The following PCDH9 variants were observed in gnomAD, a reference collection of about 807,000 sequenced individuals.
PCDH9 encodes the protein protocadherin-9.
A neutral mutation model predicts 70.6 loss-of-function variants in PCDH9; 24 were observed. The ratio of observed to expected loss-of-function variants is 0.34; its 90% CI spans 0.25 to 0.48. The LOEUF (loss-of-function observed/expected upper bound fraction) is 0.48. PCDH9 is among the 20% of genes least tolerant of loss of function. PCDH9 has a pLI of 0.99. For synonymous variants in PCDH9, 562 were observed against 558.5 expected (o/e 1.01, Z -0.09); for missense variants, 1,281 against 1,503.6 (o/e 0.85, Z 2.45).
intron 2 of PCDH9, among the ~76,000 whole-genome samples, chr13:67,116,571 C>T (rs1180340145): frequency 2.0e-5 from 3 of 152,084 alleles, no homozygotes; most frequent in Admixed American, 1.3e-4. Context: ...AAAAAAATTT[C>T]TTGGGTTGAA....
rs182106894 is a variant in PCDH9, at chr13:66,933,397, T to C, written c.3037-29792A>G. On this transcript the variant is annotated intron_variant, in intron 2 of 4. Coordinates refer to ENST00000377865, the MANE Select transcript of PCDH9 (RefSeq NM_203487.3). ...GTTTTGTAAAACTCAATAGGAAAGA[T>C]TAAGATGACTTGTCAACAGTATATA... is the stretch of plus-strand genomic sequence containing the variant. Among the ~76,000 whole-genome samples, 31 of 152,268 alleles carry C rather than the reference T, an allele frequency of 2.0e-4. No homozygotes were observed. The East Asian group carries it at 5.6e-3, about 28-fold the overall frequency.
chr13:66,578,778 T>A (rs917986390), intron 4 of PCDH9, among the ~76,000 whole-genome samples: 1 of 152,114 alleles, frequency 6.6e-6, no homozygotes, highest in South Asian at 2.1e-4. Context: ...TATAACATAA[T>A]GACACATAAT....
chr13:66,574,899 G>A (rs538571947), intron 4 of PCDH9, among the ~76,000 whole-genome samples: 12 of 152,226 alleles, frequency 7.9e-5, no homozygotes, highest in Admixed American at 1.3e-4. Flanking sequence ...TGGGCCGGGC[G>A]CAGTGGCTCA....
At chr13:67,105,954 T>C (rs1352288024) in intron 2 of PCDH9, among the ~76,000 whole-genome samples, 4 of 151,314 alleles carry the variant, frequency 2.6e-5, no homozygotes, top group Non-Finnish European at 5.9e-5. Flanking sequence ...TATATATTAG[T>C]TTATAGTGTA....
At position 67,086,453 on chromosome 13, in the gene PCDH9, A is replaced by G. The variant is rs563629333; in HGVS notation, c.3036+138952T>C. Among the ~76,000 whole-genome samples, 42 of 152,318 alleles carry G rather than the reference A, an allele frequency of 2.8e-4. 1 individual carries two copies. The South Asian group carries it at 8.1e-3, about 29-fold the overall frequency. Reference sequence around the variant, plus strand: ...TTAAAGTGCACAGACAGCCAAGCACATAGTTCGGCTGCCTCTGTCTCCCAG... The same window carrying G: ...TTAAAGTGCACAGACAGCCAAGCACGTAGTTCGGCTGCCTCTGTCTCCCAG... On this transcript the variant is annotated intron_variant, in intron 2 of 4. Transcript: ENST00000377865.
chr13:66,579,258 A>G (rs2076857444), intron 4 of PCDH9, among the ~76,000 whole-genome samples: 1 of 152,128 alleles, frequency 6.6e-6, no homozygotes, highest in Non-Finnish European at 1.5e-5. Context: ...ATATAAATAT[A>G]TAAATCAAAA....
At chr13:66,862,415 T>G (rs1376033020) in intron 3 of PCDH9, among the ~76,000 whole-genome samples, 1 of 152,184 alleles carries the variant, frequency 6.6e-6, no homozygotes, top group Admixed American at 6.5e-5. Context: ...AGAAAAATAC[T>G]GTTTTGTTAA....
intron 4 of PCDH9, among the ~76,000 whole-genome samples, chr13:66,479,517 G>C (rs997857754): frequency 3.3e-5 from 5 of 152,192 alleles, no homozygotes; most frequent in African/African-American, 1.2e-4. Context: ...CATGGGAAGA[G>C]GTCAAAATAC....
At chr13:66,417,997 G>A (rs34377752) in intron 4 of PCDH9, among the ~76,000 whole-genome samples, 2,647 of 152,274 alleles carry the variant, frequency 0.017, 37 homozygotes, top group East Asian at 0.071. Flanking sequence ...CTGTGCAGAA[G>A]CTCTTTCATT....
At chr13:66,329,571 A>G (rs1187773246) in intron 4 of PCDH9, among the ~76,000 whole-genome samples, 3 of 152,168 alleles carry the variant, frequency 2.0e-5, no homozygotes, top group African/African-American at 7.2e-5. Flanking sequence ...TTGATGAAGA[A>G]CAATATGGCT....
intron 2 of PCDH9, among the ~76,000 whole-genome samples, chr13:66,991,555 A>C (rs1483747754): frequency 2.0e-5 from 3 of 152,096 alleles, no homozygotes; most frequent in African/African-American, 7.2e-5. Context: ...ATCCTTTATT[A>C]ATTCAGTTTT....
At chr13:66,986,070 T>C (rs1202205178) in intron 2 of PCDH9, among the ~76,000 whole-genome samples, 1 of 152,046 alleles carries the variant, frequency 6.6e-6, no homozygotes, top group Non-Finnish European at 1.5e-5. Flanking sequence ...AAATGACTCA[T>C]AGTTCTGCAT....
chr13:66,816,301 G>T (rs1205427546), intron 3 of PCDH9, among the ~76,000 whole-genome samples: 1 of 152,128 alleles, frequency 6.6e-6, no homozygotes, highest in African/African-American at 2.4e-5. Flanking sequence ...CCCTAGATTA[G>T]ATGGCACAGG....
chr13:66,718,412 G>A (rs933000095), intron 3 of PCDH9, among the ~76,000 whole-genome samples: 10 of 152,030 alleles, frequency 6.6e-5, no homozygotes, highest in Non-Finnish European at 1.5e-4. Flanking sequence ...CTATTTTGTT[G>A]AGGGGGGATT....
chr13:66,561,343 G>A (rs1227627440), intron 4 of PCDH9, among the ~76,000 whole-genome samples: 1 of 152,176 alleles, frequency 6.6e-6, no homozygotes, highest in East Asian at 1.9e-4. Flanking sequence ...GAGCCTCCCG[G>A]AGGAGTGCCG....
chr13:66,535,852 C>CTA (rs929788765), intron 4 of PCDH9, among the ~76,000 whole-genome samples: 74 of 152,092 alleles, frequency 4.9e-4, no homozygotes, highest in African/African-American at 1.7e-3. Flanking sequence ...GCAGCCCCCA[C>CTA]TATAACTACA....
intron 3 of PCDH9, among the ~76,000 whole-genome samples, chr13:66,767,194 T>A (rs984765026): frequency 6.6e-6 from 1 of 151,030 alleles, no homozygotes. Flanking sequence ...AAACACACAA[T>A]GACAGTGACT....
chr13:66,372,463 A>G lies in PCDH9; in HGVS notation c.3341-67435T>C, dbSNP rs116944601. Among the ~76,000 whole-genome samples the G allele has an allele frequency of 5.0e-3, 752 of 151,900 alleles. 23 individuals carry two copies. In the East Asian group the frequency reaches 0.074, roughly 15 times the overall value. On this transcript the variant is annotated intron_variant, in intron 4 of 4. Transcript: ENST00000377865. ...GAGAAGATCAGAAAGTAAAAAGTGA[A>G]GGATATATTTCTGAAAGTAAGACAG...
At chr13:66,974,128 G>T (rs1231897418) in intron 2 of PCDH9, among the ~76,000 whole-genome samples, 1 of 151,930 alleles carries the variant, frequency 6.6e-6, no homozygotes, top group African/African-American at 2.4e-5. Flanking sequence ...CGTGATGGGG[G>T]TGAGTCTGTC....
Sources: gnomAD v4.1 joint callset for allele counts (sites outside exome capture counted in the v4.1 genomes callset) on GRCh38, gnomAD v4.1.1 for gene constraint, MANE v1.5 for transcripts, NCBI Gene and HGNC (gene_info 2026-07-23, HGNC 2026-07-21) for gene names.